Variants in ZSCAN21 observed in about 807,000 individuals in gnomAD.
The protein encoded by ZSCAN21 is zinc finger and SCAN domain-containing protein 21.
A neutral mutation model predicts 35.6 loss-of-function variants in ZSCAN21; 26 were observed. That is an observed-to-expected ratio of 0.73 (90% CI 0.54 to 1.01). The LOEUF (loss-of-function observed/expected upper bound fraction) is 1.01, where lower values mean the gene tolerates loss of function less well. Among genes scored for constraint, ZSCAN21 ranks in the 50% least tolerant of loss-of-function variants. The probability of loss-of-function intolerance (pLI) is 0.00; values close to 1 mark genes in which losing one functional copy is unlikely to be tolerated. For missense variants in ZSCAN21, 593 were observed against 587.1 expected (o/e 1.01, Z -0.10); for synonymous variants, 219 against 219.3 (o/e 1.00, Z 0.01).
At chr7:100,057,661 G>A in intron 2 of ZSCAN21, 37 bp from the exon 3 acceptor site, 1 of 1,559,050 alleles carries the variant, frequency 6.4e-7, no homozygotes, top group Non-Finnish European at 8.7e-7. Flanking sequence ...CTTAAAGTGA[G>A]CCATGCACAA....
chr7:100,057,131 A>C lies in ZSCAN21; in HGVS notation c.125A>C (p.Glu42Ala). ...AAAGGCAAGTACCTTCCTAGCCTGGAGATGTTCCGCCAGCGCTTCAGGCAG... is the reference window on the plus strand; with the variant it reads ...AAAGGCAAGTACCTTCCTAGCCTGGCGATGTTCCGCCAGCGCTTCAGGCAG... ...EEKGKYLPSL[E>A]MFRQRFRQFG... The change falls in exon 2 of 4, where the codon GAG (glutamate) becomes GCG (alanine). Residue 42 changes from glutamate to alanine, a missense_variant. By Grantham distance (107) the Glu-to-Ala change is moderately radical. Coordinates refer to ENST00000292450, the MANE Select transcript of ZSCAN21 (RefSeq NM_145914.3). 1 of 1,614,014 alleles carries C rather than the reference A, an allele frequency of 6.2e-7. No homozygotes were observed. Among genetic ancestry groups the C allele is most frequent in the Non-Finnish European group, 8.5e-7 (1 of 1,180,006 alleles).
intron 1 of ZSCAN21, among the ~76,000 whole-genome samples, chr7:100,051,080 A>C (rs1392763447): frequency 6.9e-6 from 1 of 143,894 alleles, no homozygotes; most frequent in Non-Finnish European, 1.5e-5. Context: ...AAGGAGGCTG[A>C]GGCAGGAGAA....
At position 100,064,939 on chromosome 7, in the gene ZSCAN21, G is replaced by GT; in HGVS notation, c.*325dup. On this transcript the variant is annotated 3_prime_UTR_variant, in exon 4 of 4. Coordinates refer to ENST00000292450, the MANE Select transcript of ZSCAN21 (RefSeq NM_145914.3). ...TAGTTAAGGAAGAAACATTAAGATT[G>GT]TTTAATTTTTAACATATATTCAAGA... 1 of 1,608,906 alleles carries GT rather than the reference G, an allele frequency of 6.2e-7. No homozygotes were observed. The highest frequency in any genetic ancestry group is 8.5e-7 in the Non-Finnish European group (1 of 1,177,328).
intron 1 of ZSCAN21, chr7:100,051,559 T>C (rs1791881471): frequency 6.6e-6 from 1 of 152,148 alleles, no homozygotes; most frequent in South Asian, 2.1e-4. Flanking sequence ...CCTCCCAAAG[T>C]GCTGGAATTA....
At chr7:100,061,958 G>A (rs1792311294) in intron 3 of ZSCAN21, among the ~76,000 whole-genome samples, 1 of 152,224 alleles carries the variant, frequency 6.6e-6, no homozygotes, top group Non-Finnish European at 1.5e-5. Flanking sequence ...GTTCTAAAAA[G>A]ATAAACTGGT....
At chr7:100,061,089 C>T (rs1229542822) in intron 3 of ZSCAN21, among the ~76,000 whole-genome samples, 1 of 152,020 alleles carries the variant, frequency 6.6e-6, no homozygotes, top group Non-Finnish European at 1.5e-5. Flanking sequence ...ACATAAAAGA[C>T]GGATTACCCC....
chr7:100,060,185 A>C (rs1792230491), intron 3 of ZSCAN21, among the ~76,000 whole-genome samples: 1 of 152,242 alleles, frequency 6.6e-6, no homozygotes. Flanking sequence ...ACTTAGAAAG[A>C]TCAAGGTGGC....
intron 1 of ZSCAN21, among the ~76,000 whole-genome samples, chr7:100,053,488 C>G (rs926521872): frequency 2.0e-5 from 3 of 148,874 alleles, no homozygotes; most frequent in African/African-American, 4.9e-5. Context: ...GTAACAGTTA[C>G]GTAAAGTTAA....
intron 3 of ZSCAN21, 74 bp from the exon 4 acceptor site, chr7:100,063,714 C>G: frequency 7.0e-7 from 1 of 1,422,924 alleles, no homozygotes; most frequent in South Asian, 1.4e-5. Context: ...CCTGATGGTT[C>G]TATCTCTCTG....
Position 100,056,917 on chromosome 7 carries a change from C to A in ZSCAN21, c.-90C>A. On this transcript the variant is annotated 5_prime_UTR_variant, in exon 2 of 4. Coordinates refer to ENST00000292450, the MANE Select transcript of ZSCAN21 (RefSeq NM_145914.3). ...GGTAACTATATTTTCTTAGGTTTAA[C>A]TTGTGGCCCTAAAGAACTGGAAACC... 1 of 1,348,354 alleles carries A rather than the reference C, an allele frequency of 7.4e-7. No individual in the cohort carries two copies. The highest frequency in any genetic ancestry group is 1.0e-6 in the Non-Finnish European group (1 of 1,000,498). The allele number at this position is 1,348,354 out of a possible 1,614,324, so 83.5% of individuals were successfully genotyped here. A position where few individuals can be genotyped will look rare whatever the true frequency, so the allele number is the denominator to read the frequency against.
At chr7:100,053,781 A>G (rs1210344124) in intron 1 of ZSCAN21, among the ~76,000 whole-genome samples, 1 of 151,886 alleles carries the variant, frequency 6.6e-6, no homozygotes, top group Non-Finnish European at 1.5e-5. Flanking sequence ...TTTAGGTTTA[A>G]CATGTGGCCC....
At chr7:100,052,948 G>A (rs767422836) in intron 1 of ZSCAN21, among the ~76,000 whole-genome samples, 24 of 152,028 alleles carry the variant, frequency 1.6e-4, no homozygotes, top group Middle Eastern at 3.4e-3. Context: ...GGCCAACATG[G>A]TGAAACCCCA....
At chr7:100,050,104 G>C (rs761982888) in intron 1 of ZSCAN21, among the ~76,000 whole-genome samples, 1 of 152,148 alleles carries the variant, frequency 6.6e-6, no homozygotes, top group Non-Finnish European at 1.5e-5. Flanking sequence ...GTTCTTTCGC[G>C]TTCCAGAATA....
At chr7:100,053,764 A>G (rs918384538) in intron 1 of ZSCAN21, among the ~76,000 whole-genome samples, 7 of 151,810 alleles carry the variant, frequency 4.6e-5, no homozygotes, top group East Asian at 1.9e-4. Context: ...TATGGCAACT[A>G]TATTTTTTTA....
rs551355535 is a variant in ZSCAN21 at position 100,057,866 on chromosome 7, G to T, written c.568G>T (p.Ala190Ser). ...AGAGTCTGGTGAGGAGCAGGAGTTC[G>T]CTCAAGATCCAAGAAAGGTCCGAGG... ...IQESGEEQEF[A>S]QDPRKVRDCR... Residue 190 changes from alanine (A) to serine (S), a missense_variant, in exon 3 of 4, where the codon GCT becomes TCT. By Grantham distance (99) the Ala-to-Ser change is moderately conservative. Transcript: ENST00000292450. 5.6e-6 allele frequency: 9 copies of T among 1,609,864 alleles called. No homozygotes were observed. The highest frequency in any genetic ancestry group is 6.8e-6 in the Non-Finnish European group (8 of 1,177,990).
rs1562851438 is a variant in ZSCAN21, at chr7:100,064,274, A to AT, written c.1080dup (p.Gln361SerfsTer31). 8 of 1,614,064 alleles carry AT rather than the reference A, an allele frequency of 5.0e-6. No homozygotes were observed. The highest frequency in any genetic ancestry group is 6.8e-6 in the Non-Finnish European group (8 of 1,180,034). Reference sequence around the variant, plus strand: ...AGAATGCACACAGAAGAGGCGCCATATCAGTGCAAAGATTGTGGCAAGGCT... The same window carrying AT: ...AGAATGCACACAGAAGAGGCGCCATATTCAGTGCAAAGATTGTGGCAAGGCT... On this transcript the variant is annotated frameshift_variant, in exon 4 of 4. Transcript: ENST00000292450. LOFTEE classifies it high-confidence loss of function.
In ZSCAN21 at chr7:100,049,780, GGGTGCGCGGTCCCGAGGTACGC is replaced by G. The variant is rs964983976; in HGVS notation, c.-151_-130del. ...GGGGGCGGGGCTATGACGCACTTCCGGGTGCGCGGTCCCGAGGTACGCGGTGCGGTCTCCCGGTACCCGGAGC... is the reference window on the plus strand; with the variant it reads ...GGGGGCGGGGCTATGACGCACTTCCGGGTGCGGTCTCCCGGTACCCGGAGC... On this transcript the variant is annotated 5_prime_UTR_variant, in exon 1 of 4. Transcript: ENST00000292450. The G allele has an allele frequency of 1.3e-5, 2 of 152,318 alleles. No individual in the cohort carries two copies. Among genetic ancestry groups the G allele is most frequent in the African/African-American group, 4.8e-5 (2 of 41,482 alleles). The allele number at this position is 152,318 out of a possible 1,614,324, so 9.4% of individuals were successfully genotyped here. A position where few individuals can be genotyped will look rare whatever the true frequency, so the allele number is the denominator to read the frequency against.
At chr7:100,060,624 C>T (rs1446091686) in intron 3 of ZSCAN21, among the ~76,000 whole-genome samples, 4 of 150,712 alleles carry the variant, frequency 2.7e-5, no homozygotes, top group Non-Finnish European at 4.4e-5. Context: ...CCCAACACTT[C>T]GGGAGGCTGA....
Position 100,056,985 on chromosome 7 carries a change from T to C in ZSCAN21, c.-22T>C, listed in dbSNP as rs781395443. 53 of 1,555,328 alleles carry C rather than the reference T, an allele frequency of 3.4e-5. No homozygotes were observed. The highest frequency in any genetic ancestry group is 4.4e-5 in the Non-Finnish European group (51 of 1,149,960). On this transcript the variant is annotated 5_prime_UTR_variant, in exon 2 of 4. Coordinates refer to ENST00000292450, the MANE Select transcript of ZSCAN21 (RefSeq NM_145914.3). ...CTGCCCCACAGAGTCCCATCTTTGG[T>C]GAGGCTGTTTCTGGAGTTTACATGA...
Sources: allele counts gnomAD v4.1 joint callset (sites outside exome capture counted in the v4.1 genomes callset), GRCh38; gene constraint gnomAD v4.1.1; transcripts MANE v1.5; gene names NCBI Gene and HGNC (gene_info 2026-07-23, HGNC 2026-07-21).